Variants in C8orf34 observed in about 807,000 individuals in gnomAD.
The protein encoded by C8orf34 is chromosome 8 open reading frame 34.
Under a neutral mutation model 68.3 loss-of-function variants are expected in C8orf34, and 65 were observed. The observed-to-expected ratio is 0.95, with a 90% CI of 0.78 to 1.17. The LOEUF (loss-of-function observed/expected upper bound fraction) is 1.17, where lower values mean the gene tolerates loss of function less well. Among genes scored for constraint, C8orf34 ranks in the 50% most tolerant of loss-of-function variants. The pLI, the probability that C8orf34 is intolerant of heterozygous loss-of-function variation, is 0.00. For missense variants in C8orf34, 664 were observed against 655.4 expected (o/e 1.01, Z -0.14); for synonymous variants, 244 against 241.2 (o/e 1.01, Z -0.11).
intron 1 of C8orf34, among the ~76,000 whole-genome samples, chr8:68,347,363 A>G (rs1806327718): frequency 6.6e-6 from 1 of 152,070 alleles, no homozygotes; most frequent in Non-Finnish European, 1.5e-5. Context: ...CCAGTCAGTC[A>G]TTGACAGGTA....
intron 3 of C8orf34, among the ~76,000 whole-genome samples, chr8:68,457,067 T>C (rs1811584931): frequency 6.6e-6 from 1 of 152,136 alleles, no homozygotes; most frequent in Non-Finnish European, 1.5e-5. Flanking sequence ...AATATGTTGG[T>C]TTAGGTTAAA....
At chr8:68,801,432 C>A (rs1424159381) in intron 12 of C8orf34, among the ~76,000 whole-genome samples, 4 of 152,142 alleles carry the variant, frequency 2.6e-5, no homozygotes, top group African/African-American at 9.7e-5. Flanking sequence ...GTTCTCCAAC[C>A]AATTTGTTTC....
At chr8:68,764,824 A>G (rs984670981) in intron 10 of C8orf34, among the ~76,000 whole-genome samples, 2 of 152,186 alleles carry the variant, frequency 1.3e-5, no homozygotes, top group African/African-American at 4.8e-5. Flanking sequence ...ACAATTTCGC[A>G]AAGTGTTCCT....
intron 7 of C8orf34, chr8:68,533,527 T>G (rs1389405867): frequency 3.0e-6 from 3 of 987,800 alleles, no homozygotes; most frequent in South Asian, 4.7e-5. Context: ...ATTTCAGCCC[T>G]CACTCCAAAA....
intron 8 of C8orf34, among the ~76,000 whole-genome samples, chr8:68,677,023 C>A (rs1050314366): frequency 6.6e-6 from 1 of 152,152 alleles, no homozygotes. Flanking sequence ...TCCCACAACA[C>A]CTGAGAATCA....
At chr8:68,443,831 C>A (rs183791689) in intron 2 of C8orf34, among the ~76,000 whole-genome samples, 127 of 152,260 alleles carry the variant, frequency 8.3e-4, no homozygotes, top group African/African-American at 2.9e-3. Flanking sequence ...TGGGACACAA[C>A]ATTTTCTCCT....
intron 4 of C8orf34, among the ~76,000 whole-genome samples, chr8:68,473,246 C>A (rs1812457435): frequency 6.6e-6 from 1 of 152,066 alleles, no homozygotes; most frequent in Admixed American, 6.6e-5. Context: ...GGACTTCTGG[C>A]CCACTGCCGA....
At chr8:68,783,149 C>T (rs556209697) in intron 11 of C8orf34, among the ~76,000 whole-genome samples, 5 of 152,030 alleles carry the variant, frequency 3.3e-5, no homozygotes, top group African/African-American at 1.2e-4. Flanking sequence ...AACGTGAGGG[C>T]CCCAAAATTA....
intron 10 of C8orf34, among the ~76,000 whole-genome samples, chr8:68,761,596 C>A (rs1260447749): frequency 2.6e-5 from 4 of 152,156 alleles, no homozygotes; most frequent in Admixed American, 6.5e-5. Flanking sequence ...ATAACTTCTT[C>A]AACGATTCTT....
At chr8:68,724,261 A>T (rs1798296485) in intron 10 of C8orf34, among the ~76,000 whole-genome samples, 1 of 152,360 alleles carries the variant, frequency 6.6e-6, no homozygotes, top group Non-Finnish European at 1.5e-5. Flanking sequence ...TCTAAATATT[A>T]TGAAGAATTG....
intron 7 of C8orf34, among the ~76,000 whole-genome samples, chr8:68,634,074 A>G (rs1368890342): frequency 6.6e-6 from 1 of 152,206 alleles, no homozygotes; most frequent in Non-Finnish European, 1.5e-5. Flanking sequence ...AATCAGACAA[A>G]GAATGGTAAA....
upstream of C8orf34, chr8:68,330,945 G>A: frequency 8.1e-7 from 1 of 1,236,564 alleles, no homozygotes. Context: ...CCTCTGCCTC[G>A]AATTTCCCCA....
intron 8 of C8orf34, 120 bp downstream of exon 8, chr8:68,640,631 T>C: frequency 2.0e-6 from 2 of 1,019,804 alleles, no homozygotes; most frequent in Non-Finnish European, 2.8e-6. Flanking sequence ...AGCGATCTTT[T>C]GTGCTAATAT....
At chr8:68,571,786 A>G (rs1036715356) in intron 7 of C8orf34, among the ~76,000 whole-genome samples, 32 of 152,352 alleles carry the variant, frequency 2.1e-4, no homozygotes, top group African/African-American at 7.0e-4. Flanking sequence ...CAGAATATGA[A>G]CACGGTGACT....
At position 68,522,074 on chromosome 8, in the gene C8orf34, T is replaced by C. The variant is rs530251574; in HGVS notation, c.938+103T>C. 2.4e-3 allele frequency: 2,639 copies of C among 1,085,532 alleles called. 9 individuals are homozygous for C. The highest frequency in any genetic ancestry group is 5.9e-3 in the Middle Eastern group (28 of 4,718). 67.2% of individuals were successfully genotyped at this position (1,085,532 alleles called of 1,614,324 possible). ...TTTTATGAAATCCGTTTTAGTAATT[T>C]TTTATAGAAAATTATGTTAGTCTAT... On this transcript the variant is annotated intron_variant, in intron 6 of 13. Transcript: ENST00000518698.
upstream of C8orf34, among the ~76,000 whole-genome samples, chr8:68,330,455 AGGCAACTTCTTTTTCGC>A (rs900915576): frequency 4.6e-5 from 7 of 152,126 alleles, no homozygotes; most frequent in Non-Finnish European, 8.8e-5. Context: ...TTGAAAAGGA[AGGCAACTTCTTTTTCGC>A]GGCAAACCCT....
chr8:68,356,585 A>C (rs1806756856), intron 1 of C8orf34, among the ~76,000 whole-genome samples: 1 of 152,172 alleles, frequency 6.6e-6, no homozygotes, highest in Admixed American at 6.6e-5. Context: ...TTTGGAGATT[A>C]GTTTTCAGAG....
rs79986507 is a variant in C8orf34 at position 68,653,079 on chromosome 8, G to A, written c.1241+12568G>A. Among the ~76,000 whole-genome samples the A allele has an allele frequency of 1.8e-3, 273 of 152,160 alleles. 1 individual carries two copies. Among genetic ancestry groups the A allele is most frequent in the African/African-American group, 6.3e-3 (261 of 41,528 alleles). On this transcript the variant is annotated intron_variant, in intron 8 of 13. Coordinates refer to ENST00000518698, the MANE Select transcript of C8orf34 (RefSeq NM_052958.4). The stretch of plus-strand genomic sequence containing the variant: ...TCTGACAAAATACAATTATTTATTT[G>A]TTTTCAAGTCAAGAAAATATGTAAT...
At chr8:68,730,365 A>T (rs560554727) in intron 10 of C8orf34, among the ~76,000 whole-genome samples, 7 of 152,196 alleles carry the variant, frequency 4.6e-5, no homozygotes, top group African/African-American at 1.7e-4. Flanking sequence ...CTTGGCTTTT[A>T]TGACTCATCA....
Sources: allele counts gnomAD v4.1 joint callset (sites outside exome capture counted in the v4.1 genomes callset), GRCh38; gene constraint gnomAD v4.1.1; transcripts MANE v1.5; gene names NCBI Gene and HGNC (gene_info 2026-07-23, HGNC 2026-07-21).